Variants in CABCOCO1 observed in about 807,000 individuals in gnomAD.
CABCOCO1 encodes ciliary-associated calcium-binding coiled-coil protein 1.
CABCOCO1 carries 28 observed loss-of-function variants against 35.7 expected under a neutral mutation model. The ratio of observed to expected loss-of-function variants is 0.78; its 90% CI spans 0.58 to 1.07. The LOEUF (loss-of-function observed/expected upper bound fraction) is 1.07. CABCOCO1 is among the 50% of genes least tolerant of loss of function. The pLI is 0.00. For missense variants in CABCOCO1, 326 were observed against 309.2 expected (o/e 1.05, Z -0.41); for synonymous variants, 95 against 100.1 (o/e 0.95, Z 0.30).
chr10:61,692,609 G>A (rs990112828), intron 5 of CABCOCO1, among the ~76,000 whole-genome samples: 1 of 152,088 alleles, frequency 6.6e-6, no homozygotes, highest in South Asian at 2.1e-4. Context: ...CCTGGGTATT[G>A]TTATTCTGGG....
intron 5 of CABCOCO1, among the ~76,000 whole-genome samples, chr10:61,739,315 A>T (rs1266706661): frequency 6.6e-6 from 1 of 152,236 alleles, no homozygotes; most frequent in East Asian, 1.9e-4. Flanking sequence ...GACTGCTCTC[A>T]AATTTAGACT....
At chr10:61,679,281 T>TTATATCTATATC (rs750117600) in intron 2 of CABCOCO1, among the ~76,000 whole-genome samples, 4,029 of 140,956 alleles carry the variant, frequency 0.029, 81 homozygotes, top group East Asian at 0.082. Context: ...TAGAATGAGC[T>TTATATCTATATC]TATATCTATA....
intron 5 of CABCOCO1, among the ~76,000 whole-genome samples, chr10:61,753,125 A>C (rs1440288193): frequency 6.6e-6 from 1 of 152,192 alleles, no homozygotes; most frequent in Admixed American, 6.6e-5. Flanking sequence ...AGAGTCATGA[A>C]ATAGCTTCAT....
intron 5 of CABCOCO1, among the ~76,000 whole-genome samples, chr10:61,731,043 T>C (rs562103124): frequency 2.7e-5 from 4 of 150,698 alleles, no homozygotes; most frequent in South Asian, 2.1e-4. Context: ...CTTGGGATAA[T>C]TGGCAAATTT....
At chr10:61,743,438 A>G (rs1208515545) in intron 5 of CABCOCO1, among the ~76,000 whole-genome samples, 3 of 152,144 alleles carry the variant, frequency 2.0e-5, no homozygotes, top group Admixed American at 6.6e-5. Flanking sequence ...ATTTCACTTT[A>G]ATTTCCCTTT....
At chr10:61,679,333 C>CTATATA (rs1839633728) in intron 2 of CABCOCO1, among the ~76,000 whole-genome samples, 1 of 128,258 alleles carries the variant, frequency 7.8e-6, no homozygotes, top group African/African-American at 2.9e-5. Flanking sequence ...CTATATCTAT[C>CTATATA]TATATCTATC....
intron 6 of CABCOCO1, 139 bp downstream of exon 6, chr10:61,760,320 T>C: frequency 8.2e-7 from 1 of 1,218,636 alleles, no homozygotes; most frequent in East Asian, 2.5e-5. Flanking sequence ...CTCTAAGTGT[T>C]GATTCAAAGA....
At chr10:61,693,862 C>G (rs990730874) in intron 5 of CABCOCO1, among the ~76,000 whole-genome samples, 1 of 146,450 alleles carries the variant, frequency 6.8e-6, no homozygotes, top group African/African-American at 2.6e-5. Context: ...AAATAAATTG[C>G]AAAGAAATAA....
chr10:61,713,659 G>A (rs1159543952), intron 5 of CABCOCO1, among the ~76,000 whole-genome samples: 1 of 152,028 alleles, frequency 6.6e-6, no homozygotes, highest in Non-Finnish European at 1.5e-5. Flanking sequence ...GTCATAAATA[G>A]CTCTTATTAT....
chr10:61,718,313 G>C (rs756088517), intron 5 of CABCOCO1, among the ~76,000 whole-genome samples: 2 of 152,106 alleles, frequency 1.3e-5, no homozygotes, highest in African/African-American at 4.8e-5. Flanking sequence ...TCCAAAGTCA[G>C]GGTCAGGAGG....
At chr10:61,702,472 C>T (rs768654333) in intron 5 of CABCOCO1, among the ~76,000 whole-genome samples, 4 of 152,038 alleles carry the variant, frequency 2.6e-5, no homozygotes, top group Non-Finnish European at 4.4e-5. Flanking sequence ...TGGATAAATG[C>T]AGTTGTTTAT....
chr10:61,690,435 G>C, intron 4 of CABCOCO1, 114 bp from the exon 5 acceptor site: 1 of 624,618 alleles, frequency 1.6e-6, no homozygotes, highest in South Asian at 2.2e-5. Context: ...CTGTTTTAGT[G>C]TCTGATAGCA....
intron 5 of CABCOCO1, among the ~76,000 whole-genome samples, chr10:61,741,874 C>T (rs1045640491): frequency 7.9e-5 from 12 of 152,064 alleles, no homozygotes; most frequent in Non-Finnish European, 1.6e-4. Flanking sequence ...ATTCTGTATA[C>T]CCACATTTGT....
At chr10:61,736,377 G>A (rs1841416499) in intron 5 of CABCOCO1, among the ~76,000 whole-genome samples, 1 of 152,034 alleles carries the variant, frequency 6.6e-6, no homozygotes, top group Non-Finnish European at 1.5e-5. Context: ...AGTTACCTCA[G>A]CACCATTTAT....
chr10:61,686,224 C>T, intron 4 of CABCOCO1, 39 bp downstream of exon 4: 1 of 1,459,876 alleles, frequency 6.8e-7, no homozygotes, highest in South Asian at 1.4e-5. Context: ...TTTCATTTCA[C>T]ATCTTCTGGA....
At chr10:61,669,149 A>T (rs565980145) in intron 1 of CABCOCO1, among the ~76,000 whole-genome samples, 27 of 151,930 alleles carry the variant, frequency 1.8e-4, no homozygotes, top group South Asian at 1.7e-3. Context: ...CTTATTAAAA[A>T]TTTTTTTTAT....
intron 5 of CABCOCO1, among the ~76,000 whole-genome samples, chr10:61,749,937 AAC>A (rs1841744533): frequency 6.6e-6 from 1 of 151,812 alleles, no homozygotes; most frequent in African/African-American, 2.4e-5. Flanking sequence ...CCCAATGCCA[AAC>A]ACAGAGTAAG....
intron 5 of CABCOCO1, among the ~76,000 whole-genome samples, chr10:61,691,853 A>G (rs972779999): frequency 1.3e-5 from 2 of 152,130 alleles, no homozygotes; most frequent in African/African-American, 4.8e-5. Context: ...ATAGTATTCC[A>G]TGGTGTATAT....
intron 5 of CABCOCO1, among the ~76,000 whole-genome samples, chr10:61,758,990 G>A (rs72831345): frequency 0.095 from 14,404 of 151,918 alleles, 828 homozygotes; most frequent in Middle Eastern, 0.15. Flanking sequence ...AAAAATGAAT[G>A]CATTATTATT....
Sources: allele counts gnomAD v4.1 joint callset (sites outside exome capture counted in the v4.1 genomes callset), GRCh38; gene constraint gnomAD v4.1.1; transcripts MANE v1.5; gene names NCBI Gene and HGNC (gene_info 2026-07-23, HGNC 2026-07-21).